DBF4B: variants seen among roughly 807,000 people sequenced by gnomAD.
The protein encoded by DBF4B is protein DBF4 homolog B.
A neutral mutation model predicts 53.4 loss-of-function variants in DBF4B; 49 were observed. The observed-to-expected ratio is 0.92, with a 90% CI of 0.73 to 1.16. The LOEUF is 1.16. Among genes scored for constraint, DBF4B ranks in the 50% most tolerant of loss-of-function variants. The pLI, the probability that DBF4B is intolerant of heterozygous loss-of-function variation, is 0.00. For synonymous variants in DBF4B, 257 were observed against 288.7 expected (o/e 0.89, Z 1.11); for missense variants, 692 against 775.0 (o/e 0.89, Z 1.27).
chr17:44,750,868 T>C lies in DBF4B; in HGVS notation c.1463T>C (p.Ile488Thr). 6.2e-7 allele frequency: 1 copy of C among 1,614,194 alleles called. No homozygotes were observed. The highest frequency in any genetic ancestry group is 8.5e-7 in the Non-Finnish European group (1 of 1,180,026). The stretch of plus-strand genomic sequence containing the variant: ...GAAAACTCCTTTGCCCCGGCGGACA[T>C]TCCTGTTAAGGGCCCACTCCTCTTC... ...SQENSFAPADIPVKGPLLFPE... is the reference protein window; with the variant it reads ...SQENSFAPADTPVKGPLLFPE... Residue 488 changes from isoleucine (I) to threonine (T), a missense_variant, in exon 14 of 14, where the codon ATT (isoleucine) becomes ACT (threonine). Around this residue, in one of 3 missense-constraint regions of DBF4B, gnomAD observed 597 missense variants for 665.8 expected, o/e 0.90. Transcript: ENST00000315005.
intron 2 of DBF4B, among the ~76,000 whole-genome samples, chr17:44,712,872 G>A (rs77512027): frequency 0.15 from 22,570 of 151,730 alleles, 1,738 homozygotes; most frequent in South Asian, 0.27. Context: ...ACCATGCCCA[G>A]TCAATTTTGA....
Position 44,721,222 on chromosome 17 carries a change from C to CG in DBF4B, c.83-1658_83-1657insG, listed in dbSNP as rs797006721. Among the ~76,000 whole-genome samples, 9 of 129,716 alleles carry CG rather than the reference C, an allele frequency of 6.9e-5. 1 individual carries two copies. Among genetic ancestry groups the CG allele is most frequent in the African/African-American group, 2.5e-4 (8 of 31,912 alleles). 85.1% of individuals were successfully genotyped at this position (129,716 alleles called of 152,430 possible). On this transcript the variant is annotated intron_variant, in intron 2 of 13. Coordinates refer to ENST00000315005, the MANE Select transcript of DBF4B (RefSeq NM_145663.3). The stretch of plus-strand genomic sequence containing the variant: ...ATTATCTCCAACTAATTCTTCCCCC[C>CG]CCCTCCCCTTTTTTGCGACAGAATC...
chr17:44,725,684 C>CTTTTTTTTTTTTTTTGTTTTTTTTTTTTT (rs1974257998), intron 3 of DBF4B, among the ~76,000 whole-genome samples: 1 of 87,662 alleles, frequency 1.1e-5, no homozygotes, highest in African/African-American at 4.8e-5. Flanking sequence ...TTTTGTGCTT[C>CTTTTTTTTTTTTTTTGTTTTTTTTTTTTT]TTTTTTTTTT....
intron 5 of DBF4B, 67 bp downstream of exon 5, chr17:44,731,082 C>T (rs745742753): frequency 1.9e-6 from 3 of 1,588,360 alleles, no homozygotes; most frequent in South Asian, 2.2e-5. Context: ...ACTCTTCTTC[C>T]CAGGTTCTTC....
intron 2 of DBF4B, among the ~76,000 whole-genome samples, chr17:44,710,976 A>ATTTTTTTT (rs10522434): frequency 3.1e-5 from 3 of 98,304 alleles, no homozygotes; most frequent in Non-Finnish European, 5.7e-5. Context: ...TTCCAGTTTG[A>ATTTTTTTT]TTTTTTTTTT....
chr17:44,746,816 C>CA (rs537023750), intron 10 of DBF4B, among the ~76,000 whole-genome samples: 9,531 of 124,848 alleles, frequency 0.076, 334 homozygotes, highest in Non-Finnish European at 0.088. Context: ...TAGACTCTCT[C>CA]AAAAAAAAAA....
intron 2 of DBF4B, chr17:44,718,921 A>G (rs1434461436): frequency 1.4e-5 from 2 of 145,894 alleles, no homozygotes; most frequent in African/African-American, 2.5e-5. Flanking sequence ...AGATCGCGCC[A>G]CTGCACTCCA....
intron 10 of DBF4B, among the ~76,000 whole-genome samples, chr17:44,744,695 C>T (rs1483927148): frequency 6.6e-6 from 1 of 152,208 alleles, no homozygotes; most frequent in Non-Finnish European, 1.5e-5. Flanking sequence ...TTTACCTACA[C>T]TGCATGAGAG....
At chr17:44,748,498 A>T in intron 13 of DBF4B, 33 bp downstream of exon 13, 1 of 1,613,126 alleles carries the variant, frequency 6.2e-7, no homozygotes, top group South Asian at 1.1e-5. Flanking sequence ...AGTGGACAGC[A>T]CGCAGGCACC....
intron 3 of DBF4B, among the ~76,000 whole-genome samples, chr17:44,724,515 C>T (rs976739688): frequency 1.4e-4 from 21 of 152,172 alleles, no homozygotes; most frequent in African/African-American, 5.1e-4. Context: ...GTAGCTGGGA[C>T]TACAGGCGCC....
At chr17:44,715,045 C>G (rs142013660) in intron 2 of DBF4B, among the ~76,000 whole-genome samples, 2 of 151,994 alleles carry the variant, frequency 1.3e-5, no homozygotes, top group African/African-American at 2.4e-5. Context: ...GGAGCAGGTA[C>G]CTTTCAATCT....
At chr17:44,710,121 C>T (rs1020399604) in intron 2 of DBF4B, among the ~76,000 whole-genome samples, 1 of 151,660 alleles carries the variant, frequency 6.6e-6, no homozygotes, top group Non-Finnish European at 1.5e-5. Flanking sequence ...TGCAGCGAGC[C>T]GAGATTGCGC....
Position 44,749,042 on chromosome 17 carries a change from A to G in DBF4B, c.1189+577A>G, listed in dbSNP as rs2049197076. ...TGTACAGCCACTGGCCCTGTATCCC[A>G]GGAGGCTGGCCAGCTCCTCAGCTGC... On this transcript the variant is annotated intron_variant, in intron 13 of 13. Transcript: ENST00000315005. This position sits in a 1 kb window ranked among gnomAD's most constrained non-coding sequence, Gnocchi z 4.4. The G allele has an allele frequency of 1.6e-6, 2 of 1,289,682 alleles. No homozygotes were observed. The highest frequency in any genetic ancestry group is 2.3e-5 in the Admixed American group (1 of 43,552). 79.9% of individuals were successfully genotyped at this position (1,289,682 alleles called of 1,614,324 possible).
intron 7 of DBF4B, among the ~76,000 whole-genome samples, chr17:44,734,975 A>G (rs1315171326): frequency 1.3e-5 from 2 of 152,188 alleles, no homozygotes; most frequent in African/African-American, 2.4e-5. Flanking sequence ...GTGGTGGCAC[A>G]TGCCTGTAAT....
Position 44,736,835 on chromosome 17 carries a change from A to G in DBF4B, c.636A>G (p.Thr212=). ...KKQQPKKPEG[T]CPAAESRTRK... ...TATTTTTCCTTTCCATTTAGGGAACATGTCCAGCAGCAGAGTCAAGAACAC... is the reference window on the plus strand; with the variant it reads ...TATTTTTCCTTTCCATTTAGGGAACGTGTCCAGCAGCAGAGTCAAGAACAC... Residue 212 remains threonine (T), a synonymous_variant, in exon 8 of 14, where the codon ACA becomes ACG. Coordinates refer to ENST00000315005, the MANE Select transcript of DBF4B (RefSeq NM_145663.3). 1 of 1,614,084 alleles carries G rather than the reference A, an allele frequency of 6.2e-7. No individual in the cohort carries two copies. The highest frequency in any genetic ancestry group is 8.5e-7 in the Non-Finnish European group (1 of 1,179,980).
At position 44,708,720 on chromosome 17, in the gene DBF4B, T is replaced by TA; in HGVS notation, c.-99dup. ...GATTGATGCTGTAGCTGCCCTGAGATAACCAGGACTGTGGAATCGGGAAGA... is the reference window on the plus strand; with the variant it reads ...GATTGATGCTGTAGCTGCCCTGAGATAAACCAGGACTGTGGAATCGGGAAGA... On this transcript the variant is annotated 5_prime_UTR_variant, in exon 1 of 14. Coordinates refer to ENST00000315005, the MANE Select transcript of DBF4B (RefSeq NM_145663.3). The TA allele has an allele frequency of 1.4e-6, 2 of 1,391,428 alleles. No individual in the cohort carries two copies. Among genetic ancestry groups the TA allele is most frequent in the Non-Finnish European group, 1.9e-6 (2 of 1,035,452 alleles). The allele number at this position is 1,391,428 out of a possible 1,614,324, so 86.2% of individuals were successfully genotyped here.
intron 1 of DBF4B, 89 bp from the exon 2 acceptor site, chr17:44,709,215 G>A: frequency 6.5e-7 from 1 of 1,541,850 alleles, no homozygotes; most frequent in Non-Finnish European, 9.0e-7. Context: ...GCGTTTCTGT[G>A]CGCGTTTTGG....
At chr17:44,727,172 T>C (rs550624870) in intron 3 of DBF4B, among the ~76,000 whole-genome samples, 97 of 150,206 alleles carry the variant, frequency 6.5e-4, no homozygotes, top group Non-Finnish European at 1.9e-4. Context: ...GTAATCCCAC[T>C]TTGGGAGGCT....
intron 9 of DBF4B, 58 bp from the exon 10 acceptor site, chr17:44,741,278 C>G (rs1975996744): frequency 1.6e-6 from 2 of 1,280,072 alleles, no homozygotes; most frequent in African/African-American, 1.5e-5. Context: ...GGGCGAGGCC[C>G]CCTCCTCAGC....
Sources: allele counts gnomAD v4.1 joint callset (sites outside exome capture counted in the v4.1 genomes callset), GRCh38; gene constraint gnomAD v4.1.1; regional missense constraint gnomAD v4.1.1; non-coding constraint Gnocchi (gnomAD v3.1); transcripts MANE v1.5; gene names NCBI Gene and HGNC (gene_info 2026-07-23, HGNC 2026-07-21).